The following RNF220 variants were observed in gnomAD, a reference collection of about 807,000 sequenced individuals.
The protein encoded by RNF220 is E3 ubiquitin-protein ligase RNF220.
Under a neutral mutation model 67.1 loss-of-function variants are expected in RNF220, and 7 were observed. The ratio of observed to expected loss-of-function variants is 0.10; its 90% CI spans 0.06 to 0.20. The LOEUF (loss-of-function observed/expected upper bound fraction) is 0.20, where lower values mean the gene tolerates loss of function less well. RNF220 is among the 10% of genes least tolerant of loss of function. RNF220 has a pLI of 1.00. For synonymous variants in RNF220, 270 were observed against 283.2 expected (o/e 0.95, Z 0.47); for missense variants, 565 against 740.3 (o/e 0.76, Z 2.75).
At chr1:44,511,337 A>G (rs1349634442) in intron 2 of RNF220, among the ~76,000 whole-genome samples, 1 of 152,210 alleles carries the variant, frequency 6.6e-6, no homozygotes, top group East Asian at 1.9e-4. Context: ...AACTTTCACT[A>G]GCGAAGGGTT....
chr1:44,625,642 G>A (rs968930276), intron 4 of RNF220, among the ~76,000 whole-genome samples: 1 of 152,224 alleles, frequency 6.6e-6, no homozygotes, highest in South Asian at 2.1e-4. Flanking sequence ...TGGCAAGAGC[G>A]GGCTCTCAGG....
Position 44,583,805 on chromosome 1 carries a change from G to A in RNF220, c.626-30360G>A, listed in dbSNP as rs371307936. Among the ~76,000 whole-genome samples, 21 of 152,284 alleles carry A rather than the reference G, an allele frequency of 1.4e-4. No homozygotes were observed. The East Asian group carries it at 2.9e-3, about 21-fold the overall frequency. On this transcript the variant is annotated intron_variant, in intron 2 of 14. Transcript: ENST00000361799. Reference sequence around the variant, plus strand: ...AGGTATGTGCCTCTCATTCCAAATTGTATCTGACACAGGGCCTGGCACGCA... The same window carrying A: ...AGGTATGTGCCTCTCATTCCAAATTATATCTGACACAGGGCCTGGCACGCA...
At chr1:44,554,302 G>A (rs1284094581) in intron 2 of RNF220, among the ~76,000 whole-genome samples, 1 of 152,120 alleles carries the variant, frequency 6.6e-6, no homozygotes, top group East Asian at 1.9e-4. Context: ...GGAGCTGGCA[G>A]CCTGGTAGGC....
chr1:44,426,831 G>A (rs72893855), intron 2 of RNF220, among the ~76,000 whole-genome samples: 5,979 of 152,124 alleles, frequency 0.039, 403 homozygotes, highest in African/African-American at 0.14. Context: ...TCATTAACAA[G>A]ATCTTAATTA....
chr1:44,561,380 G>A lies in RNF220; in HGVS notation c.626-52785G>A, dbSNP rs574788501. On this transcript the variant is annotated intron_variant, in intron 2 of 14. Coordinates refer to ENST00000361799, the MANE Select transcript of RNF220 (RefSeq NM_018150.4). ...CAAAAATTAGCTGGGCATGGTGGCC[G>A]GCGCCTGTAATCCCAGCTACTCGGG... Among the ~76,000 whole-genome samples, 14 of 152,042 alleles carry A rather than the reference G, an allele frequency of 9.2e-5. No individual in the cohort carries two copies. The East Asian group carries it at 2.1e-3, about 23-fold the overall frequency.
At chr1:44,547,646 A>G (rs1662281120) in intron 2 of RNF220, among the ~76,000 whole-genome samples, 1 of 151,870 alleles carries the variant, frequency 6.6e-6, no homozygotes, top group Non-Finnish European at 1.5e-5. Flanking sequence ...AGCTGCAGCT[A>G]TTATCTTTAT....
At chr1:44,647,665 G>T (rs958911095) in intron 12 of RNF220, among the ~76,000 whole-genome samples, 1 of 152,144 alleles carries the variant, frequency 6.6e-6, no homozygotes, top group Non-Finnish European at 1.5e-5. Flanking sequence ...AAGGAAAAAG[G>T]CCAGAGATTG....
At chr1:44,411,850 A>C (rs866360883) in intron 1 of RNF220, 131 bp from the exon 2 acceptor site, 1 of 469,018 alleles carries the variant, frequency 2.1e-6, no homozygotes, top group Admixed American at 3.8e-5. Flanking sequence ...ACTGGCTCCT[A>C]AAGCCTGTGG....
intron 6 of RNF220, chr1:44,632,626 G>T: frequency 3.4e-6 from 2 of 586,582 alleles, no homozygotes; most frequent in Non-Finnish European, 6.1e-6. Context: ...AGAACCCTGG[G>T]GGGGCAATAA....
At chr1:44,488,235 A>T (rs1412635674) in intron 2 of RNF220, among the ~76,000 whole-genome samples, 1 of 151,152 alleles carries the variant, frequency 6.6e-6, no homozygotes, top group Non-Finnish European at 1.5e-5. Context: ...TCCTGGGTTC[A>T]AGTGATTCAC....
chr1:44,571,845 C>A (rs1285742061), intron 2 of RNF220, among the ~76,000 whole-genome samples: 1 of 152,198 alleles, frequency 6.6e-6, no homozygotes, highest in African/African-American at 2.4e-5. Context: ...AATGGCACCA[C>A]AATCTTAAAT....
At chr1:44,483,019 C>G (rs1420353254) in intron 2 of RNF220, among the ~76,000 whole-genome samples, 2 of 138,882 alleles carry the variant, frequency 1.4e-5, no homozygotes, top group African/African-American at 5.4e-5. Context: ...CAGCCTCAAA[C>G]TCCGGGATTC....
intron 2 of RNF220, among the ~76,000 whole-genome samples, chr1:44,526,750 C>G (rs549400365): frequency 6.6e-6 from 1 of 152,274 alleles, no homozygotes; most frequent in South Asian, 2.1e-4. Flanking sequence ...CCCTCTTCCT[C>G]TTTCCCTTTA....
intron 2 of RNF220, among the ~76,000 whole-genome samples, chr1:44,592,279 G>A (rs1234242467): frequency 3.3e-5 from 5 of 152,220 alleles, no homozygotes; most frequent in Non-Finnish European, 7.3e-5. Flanking sequence ...CCTGGGACTG[G>A]CACTTTTCAG....
intron 2 of RNF220, among the ~76,000 whole-genome samples, chr1:44,563,246 G>C (rs1475141343): frequency 6.6e-6 from 1 of 152,130 alleles, no homozygotes; most frequent in African/African-American, 2.4e-5. Context: ...GGCGAGGCTG[G>C]GCTAGCCTTG....
At chr1:44,614,066 A>G (rs1462044773) in intron 2 of RNF220, 99 bp from the exon 3 acceptor site, 8 of 1,521,152 alleles carry the variant, frequency 5.3e-6, no homozygotes, top group Non-Finnish European at 7.2e-6. Context: ...AAGAAGCCCT[A>G]GAGGGCAGCA....
rs149186735 is a variant in RNF220 at position 44,602,897 on chromosome 1, C to T, written c.626-11268C>T. Among the ~76,000 whole-genome samples the T allele has an allele frequency of 5.3e-3, 809 of 152,144 alleles. 5 individuals are homozygous for T. Among genetic ancestry groups the T allele is most frequent in the Non-Finnish European group, 8.5e-3 (579 of 67,986 alleles). Reference sequence around the variant, plus strand: ...CTGCCAGCCAGTCGTCCCTCCCTGTCGACAGCGTGATTGATTGGAGGAACA... The same window carrying T: ...CTGCCAGCCAGTCGTCCCTCCCTGTTGACAGCGTGATTGATTGGAGGAACA... On this transcript the variant is annotated intron_variant, in intron 2 of 14. Coordinates refer to ENST00000361799, the MANE Select transcript of RNF220 (RefSeq NM_018150.4).
intron 2 of RNF220, among the ~76,000 whole-genome samples, chr1:44,446,008 A>T (rs749797576): frequency 6.6e-6 from 1 of 152,166 alleles, no homozygotes; most frequent in Admixed American, 6.5e-5. Context: ...TCCTTATTAG[A>T]CTGTAAATTC....
intron 6 of RNF220, chr1:44,632,807 A>T (rs186408946): frequency 1.7e-3 from 329 of 192,432 alleles, no homozygotes; most frequent in Admixed American, 3.4e-3. Context: ...GAGACTTGAC[A>T]ATACAGTGAG....
Sources: gnomAD v4.1 joint callset for allele counts (sites outside exome capture counted in the v4.1 genomes callset) on GRCh38, gnomAD v4.1.1 for gene constraint, MANE v1.5 for transcripts, NCBI Gene and HGNC (gene_info 2026-07-23, HGNC 2026-07-21) for gene names.